Variants in PTPRN2 observed in about 807,000 individuals in gnomAD.
PTPRN2 encodes protein tyrosine phosphatase receptor type N2, also known as receptor-type tyrosine-protein phosphatase N2.
In PTPRN2, 74 loss-of-function variants were observed where a neutral mutation model predicts 118.8. The ratio of observed to expected loss-of-function variants is 0.62; its 90% CI spans 0.52 to 0.76. The LOEUF (loss-of-function observed/expected upper bound fraction) is 0.76, where lower values mean the gene tolerates loss of function less well. Among genes scored for constraint, PTPRN2 ranks in the 30% least tolerant of loss-of-function variants. The pLI, the probability that PTPRN2 is intolerant of heterozygous loss-of-function variation, is 0.00. For synonymous variants in PTPRN2, 641 were observed against 608.0 expected, an observed-to-expected ratio of 1.05 and a Z score of -0.80; for missense variants, 1,481 against 1,394.4, an observed-to-expected ratio of 1.06 and a Z score of -0.99.
At chr7:157,965,618 T>G (rs1464021292) in intron 11 of PTPRN2, among the ~76,000 whole-genome samples, 2 of 152,224 alleles carry the variant, frequency 1.3e-5, no homozygotes, top group Non-Finnish European at 2.9e-5. Context: ...CCATGAGAAC[T>G]GGGACCTCAG....
At chr7:158,041,693 T>C (rs1277900581) in intron 11 of PTPRN2, among the ~76,000 whole-genome samples, 2 of 152,074 alleles carry the variant, frequency 1.3e-5, no homozygotes, top group Admixed American at 6.5e-5. Context: ...AAAGAAACAA[T>C]TGAAGGCTAC....
chr7:157,945,258 G>A (rs951104475), intron 11 of PTPRN2, among the ~76,000 whole-genome samples: 2 of 152,006 alleles, frequency 1.3e-5, no homozygotes, highest in African/African-American at 2.4e-5. Context: ...CCACCCATTC[G>A]CAGCAGCCAC....
At chr7:157,556,158 G>A (rs1554490971) in intron 21 of PTPRN2, among the ~76,000 whole-genome samples, 1 of 152,172 alleles carries the variant, frequency 6.6e-6, no homozygotes, top group Non-Finnish European at 1.5e-5. Flanking sequence ...CCAGACCTGG[G>A]TCTCAGGGAT....
chr7:157,843,960 C>A (rs1808611720), intron 12 of PTPRN2, among the ~76,000 whole-genome samples: 1 of 152,190 alleles, frequency 6.6e-6, no homozygotes, highest in Admixed American at 6.5e-5. Context: ...CCACTGCAGG[C>A]ACCGGGAGCT....
At chr7:157,628,890 C>A (rs1002639164) in intron 14 of PTPRN2, among the ~76,000 whole-genome samples, 23 of 152,170 alleles carry the variant, frequency 1.5e-4, no homozygotes, top group African/African-American at 5.1e-4. Flanking sequence ...CTGTTCACTT[C>A]TTTTTTGAAG....
intron 1 of PTPRN2, among the ~76,000 whole-genome samples, chr7:158,518,741 T>C (rs558213569): frequency 7.2e-5 from 11 of 152,194 alleles, no homozygotes; most frequent in African/African-American, 2.2e-4. Flanking sequence ...TCCCAGCACT[T>C]TGGGAGGCTG....
intron 14 of PTPRN2, among the ~76,000 whole-genome samples, chr7:157,631,371 C>T (rs781692403): frequency 5.3e-5 from 8 of 152,148 alleles, no homozygotes; most frequent in African/African-American, 1.4e-4. Context: ...AGACCGGGAA[C>T]GCTACTGAAC....
chr7:158,152,088 G>A (rs1272675035), intron 6 of PTPRN2, among the ~76,000 whole-genome samples: 2 of 144,354 alleles, frequency 1.4e-5, no homozygotes, highest in Non-Finnish European at 3.0e-5. Flanking sequence ...GCAGGAGAAT[G>A]GTGTGAACCC....
At chr7:158,581,130 G>A (rs1828604053) in intron 1 of PTPRN2, among the ~76,000 whole-genome samples, 1 of 152,134 alleles carries the variant, frequency 6.6e-6, no homozygotes, top group South Asian at 2.1e-4. Flanking sequence ...AGAGAGACAT[G>A]TTCTGACAGC....
rs1438005679 is a variant in PTPRN2 at position 157,583,377 on chromosome 7, A to G, written c.2497-5237T>C. Among the ~76,000 whole-genome samples, 1 of 152,124 alleles carries G rather than the reference A, an allele frequency of 6.6e-6. No individual in the cohort carries two copies. Among genetic ancestry groups the G allele is most frequent in the African/African-American group, 2.4e-5 (1 of 41,442 alleles). On this transcript the variant is annotated intron_variant, in intron 17 of 22. Coordinates refer to ENST00000389418, the MANE Select transcript of PTPRN2 (RefSeq NM_002847.5). This position sits in a 1 kb window ranked among gnomAD's most constrained non-coding sequence, Gnocchi z 5.5. ...GTAACTTCCAGTAGAGGACAGCTGA[A>G]TTCTGGAGACCTGGCATTCAGCATG...
At chr7:158,556,042 T>C (rs1035174154) in intron 1 of PTPRN2, among the ~76,000 whole-genome samples, 3 of 152,196 alleles carry the variant, frequency 2.0e-5, no homozygotes, top group Non-Finnish European at 4.4e-5. Context: ...GATAGATACC[T>C]AATAGGATAG....
rs148451575 is a variant in PTPRN2 at position 157,903,300 on chromosome 7, G to C, written c.1724-4563C>G. Among the ~76,000 whole-genome samples the C allele has an allele frequency of 6.6e-6, 1 of 152,182 alleles. No individual in the cohort carries two copies. The highest frequency in any genetic ancestry group is 1.9e-4 in the East Asian group (1 of 5,174). ...TGTGAGAGGGAGGTGGGAGAAAAGGGCTGAAACTCCCTCTGGGGGACGTGC... is the reference window on the plus strand; with the variant it reads ...TGTGAGAGGGAGGTGGGAGAAAAGGCCTGAAACTCCCTCTGGGGGACGTGC... On this transcript the variant is annotated intron_variant, in intron 11 of 22. Coordinates refer to ENST00000389418, the MANE Select transcript of PTPRN2 (RefSeq NM_002847.5). The surrounding 1 kb of genome is among the most constrained non-coding windows in gnomAD (Gnocchi z 4.2).
chr7:158,146,201 A>T (rs995633537), intron 6 of PTPRN2, among the ~76,000 whole-genome samples: 3 of 152,190 alleles, frequency 2.0e-5, no homozygotes, highest in African/African-American at 7.2e-5. Context: ...ACAAGCTGAC[A>T]GGCACCTTCC....
At chr7:158,136,141 A>G (rs1320926779) in intron 8 of PTPRN2, among the ~76,000 whole-genome samples, 1 of 152,248 alleles carries the variant, frequency 6.6e-6, no homozygotes, top group African/African-American at 2.4e-5. Context: ...GCCCTGAGCC[A>G]CATGCGACTA....
intron 2 of PTPRN2, among the ~76,000 whole-genome samples, chr7:158,391,413 T>C (rs979198713): frequency 6.6e-6 from 1 of 151,988 alleles, no homozygotes; most frequent in African/African-American, 2.4e-5. Flanking sequence ...CAGGCCCATC[T>C]CTCCTTCGGA....
chr7:157,687,286 T>C (rs2150822735), intron 12 of PTPRN2, among the ~76,000 whole-genome samples: 1 of 152,258 alleles, frequency 6.6e-6, no homozygotes, highest in East Asian at 1.9e-4. Context: ...AACTCAATTG[T>C]GAGAGCTGAT....
At chr7:158,033,844 G>A (rs966572490) in intron 11 of PTPRN2, among the ~76,000 whole-genome samples, 17 of 148,338 alleles carry the variant, frequency 1.1e-4, no homozygotes, top group African/African-American at 3.3e-4. Context: ...ACTGAGGCCC[G>A]GGTGAGCATC....
chr7:157,543,207 C>A (rs1040109179), intron 22 of PTPRN2, among the ~76,000 whole-genome samples: 1 of 152,228 alleles, frequency 6.6e-6, no homozygotes, highest in African/African-American at 2.4e-5. Flanking sequence ...AGGAGGGGTG[C>A]AAAGCCTCCT....
At chr7:158,199,652 T>C (rs909407715) in intron 4 of PTPRN2, among the ~76,000 whole-genome samples, 2 of 146,988 alleles carry the variant, frequency 1.4e-5, no homozygotes, top group South Asian at 4.4e-4. Flanking sequence ...CAGAATGCTC[T>C]GAATACACAT....
Sources: gnomAD v4.1 joint callset for allele counts (sites outside exome capture counted in the v4.1 genomes callset) on GRCh38, gnomAD v4.1.1 for gene constraint, Gnocchi (gnomAD v3.1) non-coding constraint, MANE v1.5 for transcripts, NCBI Gene and HGNC (gene_info 2026-07-23, HGNC 2026-07-21) for gene names.